Variants in NDUFAF6 observed in about 807,000 individuals in gnomAD.
NDUFAF6 encodes the protein NADH:ubiquinone oxidoreductase complex assembly factor 6.
A neutral mutation model predicts 40.8 loss-of-function variants in NDUFAF6; 45 were observed. The ratio of observed to expected loss-of-function variants is 1.10; its 90% CI spans 0.87 to 1.42. NDUFAF6 has a LOEUF of 1.42. NDUFAF6 is among the 40% of genes most tolerant of loss of function. NDUFAF6 has a pLI of 0.00. For synonymous variants in NDUFAF6, 185 were observed against 155.9 expected (o/e 1.19, Z -1.39); for missense variants, 435 against 418.5 (o/e 1.04, Z -0.34).
intron 1 of NDUFAF6, among the ~76,000 whole-genome samples, chr8:94,906,833 G>C (rs142944645): frequency 6.6e-6 from 1 of 152,268 alleles, no homozygotes; most frequent in Non-Finnish European, 1.5e-5. Context: ...CATTGCCCCT[G>C]TGCTTTATCT....
At chr8:95,085,754 A>G (rs539111761) in intron 2 of NDUFAF6, 7 of 152,202 alleles carry the variant, frequency 4.6e-5, no homozygotes, top group Non-Finnish European at 2.9e-5. Context: ...AGACCTCTGT[A>G]GACTCTTTAA....
chr8:94,960,908 G>A (rs1270890037), intron 1 of NDUFAF6, among the ~76,000 whole-genome samples: 2 of 152,126 alleles, frequency 1.3e-5, no homozygotes, highest in South Asian at 2.1e-4. Flanking sequence ...TGCCCAACAC[G>A]TCAGCTACAT....
intron 9 of NDUFAF6, among the ~76,000 whole-genome samples, chr8:95,074,867 A>G (rs1014353401): frequency 6.6e-6 from 1 of 152,102 alleles, no homozygotes; most frequent in Non-Finnish European, 1.5e-5. Flanking sequence ...GAGCCCTTAG[A>G]TCAAGGGCCT....
intron 2 of NDUFAF6, among the ~76,000 whole-genome samples, chr8:94,946,696 CAAAAAAAAAAAAAAA>C (rs71273438): frequency 2.9e-5 from 1 of 34,696 alleles, no homozygotes; most frequent in East Asian, 1.2e-3. Flanking sequence ...GACCCTGTCT[CAAAAAAAAAAAAAAA>C]AAAAAAAAAG....
chr8:95,113,843 C>T (rs1243943876), intron 4 of NDUFAF6, among the ~76,000 whole-genome samples: 1 of 152,102 alleles, frequency 6.6e-6, no homozygotes, highest in Non-Finnish European at 1.5e-5. Flanking sequence ...GAGACTCCGT[C>T]TCAAAATTTG....
intron 2 of NDUFAF6, among the ~76,000 whole-genome samples, chr8:94,999,933 C>T (rs1826640306): frequency 1.3e-5 from 2 of 151,980 alleles, no homozygotes; most frequent in Non-Finnish European, 2.9e-5. Context: ...ATTTGGGGGC[C>T]AGATGTGGTG....
intron 1 of NDUFAF6, among the ~76,000 whole-genome samples, chr8:94,898,998 T>G (rs192646172): frequency 1.3e-5 from 2 of 152,330 alleles, no homozygotes; most frequent in Admixed American, 6.5e-5. Context: ...GAATAAAACA[T>G]TTTCTTCCCA....
At chr8:94,937,641 T>C (rs997458447) in intron 1 of NDUFAF6, among the ~76,000 whole-genome samples, 3 of 151,430 alleles carry the variant, frequency 2.0e-5, no homozygotes, top group Non-Finnish European at 2.9e-5. Context: ...CATCACCTCA[T>C]TTTTTTTTCC....
At chr8:94,905,036 C>G (rs973552724) in intron 1 of NDUFAF6, among the ~76,000 whole-genome samples, 1 of 152,016 alleles carries the variant, frequency 6.6e-6, no homozygotes, top group African/African-American at 2.4e-5. Flanking sequence ...CCTGTCTCTA[C>G]TAAAAACATA....
intron 5 of NDUFAF6, among the ~76,000 whole-genome samples, chr8:95,046,418 A>T (rs1396858651): frequency 2.6e-5 from 4 of 152,166 alleles, no homozygotes; most frequent in Non-Finnish European, 5.9e-5. Flanking sequence ...TGATGGTAGG[A>T]TTTCTTCTCT....
downstream of NDUFAF6, among the ~76,000 whole-genome samples, chr8:95,080,553 ATT>A (rs1397250147): frequency 1.4e-4 from 11 of 76,076 alleles, no homozygotes; most frequent in African/African-American, 4.6e-4. Context: ...TTTTGTAGTG[ATT>A]TTTTCTAGTG....
intron 2 of NDUFAF6, among the ~76,000 whole-genome samples, chr8:95,093,475 C>T (rs1261851922): frequency 6.6e-6 from 1 of 152,182 alleles, no homozygotes; most frequent in Non-Finnish European, 1.5e-5. Flanking sequence ...CATAAAATTG[C>T]ATACACTGGA....
intron 2 of NDUFAF6, among the ~76,000 whole-genome samples, chr8:95,015,728 A>G (rs1165018213): frequency 6.6e-6 from 1 of 152,242 alleles, no homozygotes; most frequent in East Asian, 1.9e-4. Context: ...GACACTTAGC[A>G]ATGAACATAC....
chr8:95,107,002 G>A (rs1010131523), downstream of NDUFAF6, among the ~76,000 whole-genome samples: 9 of 152,338 alleles, frequency 5.9e-5, no homozygotes, highest in African/African-American at 1.7e-4. Flanking sequence ...TGGAGAGGAT[G>A]TGGAGAAGTA....
chr8:95,000,268 C>T (rs1034564316), intron 2 of NDUFAF6, among the ~76,000 whole-genome samples: 2 of 152,006 alleles, frequency 1.3e-5, no homozygotes, highest in Admixed American at 6.6e-5. Context: ...GTCTGGGAGG[C>T]GGAGGTTGCA....
upstream of NDUFAF6, among the ~76,000 whole-genome samples, chr8:95,098,522 C>T (rs547102071): frequency 2.6e-5 from 4 of 152,242 alleles, no homozygotes; most frequent in African/African-American, 7.2e-5. Context: ...AAAAATTAGC[C>T]GGGCATGGTG....
At chr8:95,001,689 G>T (rs1449086097) in intron 2 of NDUFAF6, among the ~76,000 whole-genome samples, 1 of 152,158 alleles carries the variant, frequency 6.6e-6, no homozygotes, top group Non-Finnish European at 1.5e-5. Context: ...ATAAACTTCT[G>T]CTTCAATTTG....
At chr8:95,063,616 C>CA (rs1294405210), downstream of NDUFAF6, among the ~76,000 whole-genome samples, 4 of 152,028 alleles carry the variant, frequency 2.6e-5, no homozygotes, top group South Asian at 2.1e-4. Flanking sequence ...CAAAACAAAA[C>CA]AAAAAAACAG....
chr8:95,074,836 C>T (rs1832982901), intron 9 of NDUFAF6, among the ~76,000 whole-genome samples: 1 of 152,128 alleles, frequency 6.6e-6, no homozygotes, highest in Non-Finnish European at 1.5e-5. Flanking sequence ...CCAGCGATCC[C>T]ACCTGCCACT....
Sources: allele counts gnomAD v4.1 joint callset (sites outside exome capture counted in the v4.1 genomes callset), GRCh38; gene constraint gnomAD v4.1.1; transcripts MANE v1.5; gene names NCBI Gene and HGNC (gene_info 2026-07-23, HGNC 2026-07-21).